PRELID2: variants seen among roughly 807,000 people sequenced by gnomAD.
PRELID2 encodes PRELI domain containing 2, also known as PRELI domain-containing protein 2.
In PRELID2, 25 loss-of-function variants were observed where a neutral mutation model predicts 28.4. The ratio of observed to expected loss-of-function variants is 0.88; its 90% CI spans 0.64 to 1.23. PRELID2 has a LOEUF of 1.23. Ranked by LOEUF, PRELID2 falls within the 50% of genes most tolerant of loss-of-function variation. PRELID2 has a pLI of 0.00. For missense variants in PRELID2, 201 were observed against 214.4 expected, an observed-to-expected ratio of 0.94 and a Z score of 0.39; for synonymous variants, 76 against 71.6, an observed-to-expected ratio of 1.06 and a Z score of -0.31.
At chr5:145,647,574 A>T (rs562377663) in intron 1 of PRELID2, among the ~76,000 whole-genome samples, 1 of 152,326 alleles carries the variant, frequency 6.6e-6, no homozygotes, top group East Asian at 1.9e-4. Context: ...GCATATGGAA[A>T]AAATAAATAA....
In PRELID2 at chr5:145,760,418, A is replaced by G. The variant is rs569954805; in HGVS notation, c.*118T>C. 6.6e-6 allele frequency: 1 copy of G among 152,222 alleles called. No individual in the cohort carries two copies. Among genetic ancestry groups the G allele is most frequent in the East Asian group, 1.9e-4 (1 of 5,186 alleles). 9.4% of individuals were successfully genotyped at this position (152,222 alleles called of 1,614,324 possible). A position where few individuals can be genotyped will look rare whatever the true frequency, so the allele number is the denominator to read the frequency against. ...CTCTTCTTGAAGCTGCCAACACTGT[A>G]TCCTCAAACCTGTATTCCAGAAACT... On this transcript the variant is annotated 3_prime_UTR_variant, in exon 7 of 7. Coordinates refer to ENST00000683046, the MANE Select transcript of PRELID2 (RefSeq NM_205846.3).
intron 1 of PRELID2, among the ~76,000 whole-genome samples, chr5:145,556,977 A>G (rs553720754): frequency 6.6e-6 from 1 of 152,214 alleles, no homozygotes; most frequent in South Asian, 2.1e-4. Context: ...GTAAATTGTC[A>G]TGACACCGTG....
chr5:145,637,434 A>G (rs1188860913), intron 1 of PRELID2, among the ~76,000 whole-genome samples: 1 of 152,050 alleles, frequency 6.6e-6, no homozygotes, highest in African/African-American at 2.4e-5. Context: ...ACACTGTGCT[A>G]TGTCCATACA....
intron 1 of PRELID2, among the ~76,000 whole-genome samples, chr5:145,745,571 A>C (rs1756967743): frequency 6.6e-6 from 1 of 152,174 alleles, no homozygotes; most frequent in African/African-American, 2.4e-5. Context: ...TTCCTAAAGA[A>C]AAGAATTGGG....
chr5:145,408,017 C>A, the PRELID2 span, among the ~76,000 whole-genome samples: 28 of 152,106 alleles, frequency 1.8e-4, no homozygotes, highest in Admixed American at 6.5e-5. Context: ...GCCCAGTAGC[C>A]CTACTGGGTG....
At chr5:145,669,386 A>G (rs1754660540) in intron 1 of PRELID2, among the ~76,000 whole-genome samples, 1 of 152,072 alleles carries the variant, frequency 6.6e-6, no homozygotes, top group Non-Finnish European at 1.5e-5. Context: ...TTTATGTTCC[A>G]CTGTTCAGAT....
chr5:145,247,245 G>A, the PRELID2 span, among the ~76,000 whole-genome samples: 5 of 152,040 alleles, frequency 3.3e-5, no homozygotes, highest in South Asian at 2.1e-4. Context: ...CTCAATTCCC[G>A]AGCCCCTACT....
chr5:145,497,423 C>A (rs1169141081), intron 1 of PRELID2, among the ~76,000 whole-genome samples: 1 of 152,166 alleles, frequency 6.6e-6, no homozygotes, highest in African/African-American at 2.4e-5. Flanking sequence ...CCCTTAACTA[C>A]CCATTTCCTT....
chr5:145,339,184 T>C, the PRELID2 span, among the ~76,000 whole-genome samples: 1 of 152,074 alleles, frequency 6.6e-6, no homozygotes, highest in African/African-American at 2.4e-5. Context: ...GACACATAGC[T>C]CAATCAAAGT....
chr5:145,282,681 G>A, the PRELID2 span, among the ~76,000 whole-genome samples: 2 of 151,680 alleles, frequency 1.3e-5, no homozygotes, highest in Admixed American at 6.6e-5. Context: ...CAACATGCCC[G>A]GCTAATTTTT....
At chr5:145,522,433 A>G (rs1011657228) in intron 1 of PRELID2, among the ~76,000 whole-genome samples, 11 of 151,878 alleles carry the variant, frequency 7.2e-5, no homozygotes, top group African/African-American at 2.7e-4. Context: ...GAGAGAGAGA[A>G]AGAGAGACAG....
At chr5:145,247,783 T>C in the PRELID2 span, among the ~76,000 whole-genome samples, 1 of 152,128 alleles carries the variant, frequency 6.6e-6, no homozygotes, top group East Asian at 1.9e-4. Flanking sequence ...AAATCTGACA[T>C]GGACCAGACA....
At chr5:145,282,024 A>G in the PRELID2 span, among the ~76,000 whole-genome samples, 1 of 152,210 alleles carries the variant, frequency 6.6e-6, no homozygotes, top group South Asian at 2.1e-4. Context: ...GAAATAAATA[A>G]TAGCTGTTAT....
chr5:145,629,792 T>C (rs1477503291), intron 1 of PRELID2, among the ~76,000 whole-genome samples: 2 of 152,158 alleles, frequency 1.3e-5, no homozygotes, highest in Non-Finnish European at 2.9e-5. Context: ...ACCATCCTTT[T>C]AAAATGCCTC....
the PRELID2 span, among the ~76,000 whole-genome samples, chr5:145,254,059 T>G: frequency 6.6e-6 from 1 of 152,040 alleles, no homozygotes; most frequent in Non-Finnish European, 1.5e-5. Context: ...ACCTTATTCC[T>G]CGGCTGAGAA....
chr5:145,374,090 T>C, the PRELID2 span, among the ~76,000 whole-genome samples: 1 of 151,410 alleles, frequency 6.6e-6, no homozygotes, highest in Non-Finnish European at 1.5e-5. Flanking sequence ...TTGGTCTTTA[T>C]ATTTTGGTGT....
intron 1 of PRELID2, among the ~76,000 whole-genome samples, chr5:145,652,914 C>T (rs991015440): frequency 6.6e-6 from 1 of 152,070 alleles, no homozygotes; most frequent in Non-Finnish European, 1.5e-5. Context: ...TAACATTAAA[C>T]GTAAATGGGC....
chr5:145,315,204 G>A, the PRELID2 span, among the ~76,000 whole-genome samples: 3 of 151,510 alleles, frequency 2.0e-5, no homozygotes, highest in East Asian at 5.9e-4. Context: ...CGAGTAGCTG[G>A]GACTACAGGC....
At chr5:145,795,084 T>A (rs1389329703) in intron 5 of PRELID2, 1 of 152,134 alleles carries the variant, frequency 6.6e-6, no homozygotes, top group African/African-American at 2.4e-5. Flanking sequence ...TATAAAAAAA[T>A]TCAATTTATT....
Sources: gnomAD v4.1 joint callset for allele counts (sites outside exome capture counted in the v4.1 genomes callset) on GRCh38, gnomAD v4.1.1 for gene constraint, MANE v1.5 for transcripts, NCBI Gene and HGNC (gene_info 2026-07-23, HGNC 2026-07-21) for gene names.